The following ZDHHC15 variants were observed in gnomAD, a reference collection of about 807,000 sequenced individuals.
ZDHHC15 encodes palmitoyltransferase ZDHHC15.
Under a neutral mutation model 31.7 loss-of-function variants are expected in ZDHHC15, and 19 were observed. That is an observed-to-expected ratio of 0.60 (90% CI 0.42 to 0.88). The LOEUF is 0.88. Among genes scored for constraint, ZDHHC15 ranks in the 40% least tolerant of loss-of-function variants. ZDHHC15 has a pLI of 0.00. For synonymous variants in ZDHHC15, 103 were observed against 90.0 expected, an observed-to-expected ratio of 1.14 and a Z score of -0.82; for missense variants, 209 against 251.2, an observed-to-expected ratio of 0.83 and a Z score of 1.14.
intron 2 of ZDHHC15, among the ~76,000 whole-genome samples, chrX:75,487,752 G>T (rs111383247): frequency 1.6e-3 from 182 of 111,668 alleles, no homozygotes; most frequent in African/African-American, 5.8e-3. Flanking sequence ...CCAGACAAAG[G>T]TGAAAACCAG....
chrX:75,518,420 A>G (rs2085393197), intron 1 of ZDHHC15, among the ~76,000 whole-genome samples: 1 of 110,629 alleles, frequency 9.0e-6, no homozygotes, highest in Non-Finnish European at 1.9e-5. Flanking sequence ...AATCAAATCC[A>G]TAATGAGATA....
chrX:75,496,395 A>C (rs1250618784), intron 2 of ZDHHC15, among the ~76,000 whole-genome samples: 2 of 111,652 alleles, frequency 1.8e-5, no homozygotes, highest in East Asian at 2.8e-4. Context: ...AGATGGCAAC[A>C]CAGCAGTAGT....
intron 2 of ZDHHC15, among the ~76,000 whole-genome samples, chrX:75,499,908 T>G (rs2085064405): frequency 9.0e-6 from 1 of 111,473 alleles, no homozygotes; most frequent in African/African-American, 3.3e-5. Context: ...AACCAATGAG[T>G]GGATAAAGAA....
intron 10 of ZDHHC15, among the ~76,000 whole-genome samples, chrX:75,407,521 C>T (rs1420203905): frequency 5.4e-5 from 6 of 110,499 alleles, no homozygotes; most frequent in South Asian, 3.8e-4. Flanking sequence ...AGCCCCCGCC[C>T]GGCCAGCCGC....
chrX:75,411,487 C>T (rs894879786), intron 10 of ZDHHC15, among the ~76,000 whole-genome samples: 9 of 112,753 alleles, frequency 8.0e-5, no homozygotes, highest in African/African-American at 1.3e-4. Context: ...GCTGGGATTA[C>T]AGGCGCGAGC....
At chrX:75,488,606 CAT>C (rs1416931746) in intron 2 of ZDHHC15, among the ~76,000 whole-genome samples, 5 of 112,040 alleles carry the variant, frequency 4.5e-5, no homozygotes, top group Non-Finnish European at 9.4e-5. Context: ...TAAAAAATAA[CAT>C]AATGAAAAAT....
chrX:75,468,848 T>C (rs1420068230), intron 3 of ZDHHC15, among the ~76,000 whole-genome samples: 1 of 112,326 alleles, frequency 8.9e-6, no homozygotes, highest in Non-Finnish European at 1.9e-5. Flanking sequence ...TTTTTGGCTA[T>C]TTGTATATAT....
intron 4 of ZDHHC15, among the ~76,000 whole-genome samples, chrX:75,433,550 T>A (rs753575145): frequency 9.1e-6 from 1 of 110,195 alleles, no homozygotes; most frequent in East Asian, 2.8e-4. Flanking sequence ...CACTCCTGAG[T>A]TACTTTACAT....
chrX:75,390,631 GC>G lies in ZDHHC15; in HGVS notation c.968-11434del, dbSNP rs1451626439. 3.6e-5 allele frequency among the ~76,000 whole-genome samples: 4 copies of G among 111,493 alleles called. No homozygotes were observed. In the Admixed American group the frequency reaches 3.8e-4, roughly 11 times the overall value. On this transcript the variant is annotated intron_variant, in intron 10 of 11. Coordinates refer to ENST00000373367, the MANE Select transcript of ZDHHC15 (RefSeq NM_144969.3). ...ATGGTATTTATATGAGTATGCAAGA[GC>G]CACAGCATTACTGGGCTTGAGGAGC...
chrX:75,373,790 A>G (rs761312232), intron 11 of ZDHHC15, among the ~76,000 whole-genome samples: 1 of 111,000 alleles, frequency 9.0e-6, no homozygotes, highest in African/African-American at 3.3e-5. Context: ...GGTATCCATC[A>G]CCTCAAGCAT....
At chrX:75,434,994 C>T (rs996014069) in intron 4 of ZDHHC15, among the ~76,000 whole-genome samples, 9 of 111,551 alleles carry the variant, frequency 8.1e-5, no homozygotes, top group South Asian at 7.4e-4. Context: ...CATTTGTTTA[C>T]GTTGTCTATG....
chrX:75,475,644 AG>A (rs1027087810), intron 3 of ZDHHC15, among the ~76,000 whole-genome samples: 3 of 112,293 alleles, frequency 2.7e-5, no homozygotes, highest in African/African-American at 9.7e-5. Context: ...TTCTGAAATC[AG>A]GAAGTGTGAA....
intron 10 of ZDHHC15, among the ~76,000 whole-genome samples, chrX:75,381,264 G>A (rs2083111860): frequency 9.0e-6 from 1 of 111,565 alleles, no homozygotes; most frequent in Non-Finnish European, 1.9e-5. Context: ...TGTCAACACT[G>A]CTTAGGTGAT....
intron 10 of ZDHHC15, among the ~76,000 whole-genome samples, chrX:75,408,449 C>A (rs993369438): frequency 9.0e-6 from 1 of 111,289 alleles, no homozygotes; most frequent in Non-Finnish European, 1.9e-5. Context: ...AAGGATCATA[C>A]CTCAAATTAA....
At chrX:75,401,342 C>G (rs1021858708) in intron 10 of ZDHHC15, among the ~76,000 whole-genome samples, 1 of 110,573 alleles carries the variant, frequency 9.0e-6, no homozygotes, top group Non-Finnish European at 1.9e-5. Context: ...AATAAACCAA[C>G]ATAACAACCA....
chrX:75,440,368 C>A (rs894147592), intron 4 of ZDHHC15, among the ~76,000 whole-genome samples: 2 of 111,465 alleles, frequency 1.8e-5, no homozygotes, highest in Non-Finnish European at 3.8e-5. Flanking sequence ...CAAGCTCCGC[C>A]TTCCGGGTTC....
intron 3 of ZDHHC15, among the ~76,000 whole-genome samples, chrX:75,451,308 T>C (rs1325250546): frequency 6.3e-5 from 7 of 111,832 alleles, no homozygotes; most frequent in Admixed American, 4.8e-4. Context: ...CAGGGCCCTG[T>C]TGATAATTAA....
intron 10 of ZDHHC15, among the ~76,000 whole-genome samples, chrX:75,393,451 G>T (rs1402039590): frequency 9.0e-6 from 1 of 111,071 alleles, no homozygotes; most frequent in East Asian, 2.8e-4. Flanking sequence ...TATGTTCCTT[G>T]GTTCTCCACA....
At chrX:75,380,150 C>T (rs766255248) in intron 10 of ZDHHC15, among the ~76,000 whole-genome samples, 12 of 111,837 alleles carry the variant, frequency 1.1e-4, no homozygotes, top group Non-Finnish European at 1.9e-4. Flanking sequence ...CCTAGGTCTT[C>T]AGTGAAAGAT....
Sources: gnomAD v4.1 joint callset for allele counts (sites outside exome capture counted in the v4.1 genomes callset) on GRCh38, gnomAD v4.1.1 for gene constraint, MANE v1.5 for transcripts, NCBI Gene and HGNC (gene_info 2026-07-23, HGNC 2026-07-21) for gene names.